GRID2: variants seen among roughly 807,000 people sequenced by gnomAD.
The protein encoded by GRID2 is glutamate receptor ionotropic, delta-2.
GRID2 carries 33 observed loss-of-function variants against 114.8 expected under a neutral mutation model. The ratio of observed to expected loss-of-function variants is 0.29; its 90% CI spans 0.22 to 0.38. The LOEUF is 0.38. Among genes scored for constraint, GRID2 ranks in the 10% least tolerant of loss-of-function variants. GRID2 has a pLI of 1.00. For synonymous variants in GRID2, 505 were observed against 449.9 expected (o/e 1.12, Z -1.55); for missense variants, 1,184 against 1,257.7 (o/e 0.94, Z 0.89).
At chr4:93,322,595 A>G (rs1757355570) in intron 8 of GRID2, among the ~76,000 whole-genome samples, 2 of 152,144 alleles carry the variant, frequency 1.3e-5, no homozygotes, top group Admixed American at 1.3e-4. Flanking sequence ...TGGTAATTCT[A>G]GTTCTAGATC....
intron 14 of GRID2, among the ~76,000 whole-genome samples, chr4:93,723,144 A>G (rs1729537849): frequency 6.6e-6 from 1 of 152,194 alleles, no homozygotes; most frequent in Non-Finnish European, 1.5e-5. Context: ...AGAATGAATC[A>G]TGTGTTTTTC....
chr4:92,748,631 T>TATA (rs1560570179), intron 2 of GRID2, among the ~76,000 whole-genome samples: 1 of 125,282 alleles, frequency 8.0e-6, no homozygotes. Flanking sequence ...TTAATTAAAT[T>TATA]GTATTATTAT....
At chr4:92,883,376 A>G (rs1165969128) in intron 2 of GRID2, among the ~76,000 whole-genome samples, 2 of 152,072 alleles carry the variant, frequency 1.3e-5, no homozygotes, top group Non-Finnish European at 2.9e-5. Flanking sequence ...GAACTTCTCA[A>G]AGTCATCCAT....
chr4:92,885,139 C>A, intron 2 of GRID2: 1 of 289,792 alleles, frequency 3.5e-6, no homozygotes, highest in Non-Finnish European at 6.7e-6. Context: ...GGTTTTGCCT[C>A]TTGTGTAATC....
At position 93,098,989 on chromosome 4, in the gene GRID2, C is replaced by CTGTGTGTGTGTGTG. The variant is rs71579585; in HGVS notation, c.530-11733_530-11720dup. ...GATTGTATTAAAGAAAGATCATTTC[C>CTGTGTGTGTGTGTG]TGTGTGTGTGTGTGTGTGTGTGTGT... On this transcript the variant is annotated intron_variant, in intron 3 of 15. Coordinates refer to ENST00000282020, the MANE Select transcript of GRID2 (RefSeq NM_001510.4). Among the ~76,000 whole-genome samples the CTGTGTGTGTGTGTG allele has an allele frequency of 4.5e-3, 625 of 138,954 alleles. 3 individuals are homozygous for CTGTGTGTGTGTGTG. Among genetic ancestry groups the CTGTGTGTGTGTGTG allele is most frequent in the Admixed American group, 6.6e-3 (89 of 13,506 alleles). The allele number at this position is 138,954 out of a possible 152,430, so 91.2% of individuals were successfully genotyped here.
At chr4:93,594,875 G>A (rs527880205) in intron 13 of GRID2, among the ~76,000 whole-genome samples, 44 of 151,982 alleles carry the variant, frequency 2.9e-4, no homozygotes, top group South Asian at 1.2e-3. Context: ...GACCCCTTGC[G>A]CTTCCCGAGT....
intron 2 of GRID2, among the ~76,000 whole-genome samples, chr4:92,960,483 T>C (rs1041029667): frequency 2.0e-5 from 3 of 152,086 alleles, no homozygotes; most frequent in Non-Finnish European, 4.4e-5. Context: ...CATGTCTTCT[T>C]AAAGGATTCA....
At chr4:92,482,476 A>C (rs1014612042) in intron 1 of GRID2, among the ~76,000 whole-genome samples, 27 of 152,198 alleles carry the variant, frequency 1.8e-4, no homozygotes, top group African/African-American at 6.5e-4. Context: ...AAATGAAATA[A>C]AAATAATTAT....
intron 1 of GRID2, among the ~76,000 whole-genome samples, chr4:92,378,304 A>T (rs563188948): frequency 6.6e-6 from 1 of 152,234 alleles, no homozygotes; most frequent in African/African-American, 2.4e-5. Flanking sequence ...GATTTATTTT[A>T]AAATTTGTGC....
Position 92,481,981 on chromosome 4 carries a change from G to GATATATAT in GRID2, c.89-108104_89-108097dup, listed in dbSNP as rs35103752. ...AGTGGTGGACTGGAGAATAAAATGT[G>GATATATAT]ATATATATATATATATATATATATA... On this transcript the variant is annotated intron_variant, in intron 1 of 15. Coordinates refer to ENST00000282020, the MANE Select transcript of GRID2 (RefSeq NM_001510.4). 3.1e-3 allele frequency among the ~76,000 whole-genome samples: 145 copies of GATATATAT among 47,004 alleles called. 1 individual carries two copies. The highest frequency in any genetic ancestry group is 4.4e-3 in the Non-Finnish European group (103 of 23,678). 30.8% of individuals were successfully genotyped at this position (47,004 alleles called of 152,430 possible).
chr4:93,302,727 A>T, intron 8 of GRID2: 1 of 374,072 alleles, frequency 2.7e-6, no homozygotes, highest in Non-Finnish European at 5.3e-6. Context: ...TTCCTATTTT[A>T]TGCTCATTTC....
At chr4:93,722,689 G>A (rs999853403) in intron 14 of GRID2, among the ~76,000 whole-genome samples, 5 of 152,090 alleles carry the variant, frequency 3.3e-5, no homozygotes, top group South Asian at 2.1e-4. Context: ...CTCTCTGGAC[G>A]GACTTGCAGC....
chr4:93,434,766 A>C (rs72884591), intron 10 of GRID2, among the ~76,000 whole-genome samples: 13,814 of 152,106 alleles, frequency 0.091, 1,613 homozygotes, highest in African/African-American at 0.27. Flanking sequence ...TTTCCATCCC[A>C]CTCAGAGTAA....
At position 93,327,703 on chromosome 4, in the gene GRID2, A is replaced by G. The variant is rs575376908; in HGVS notation, c.1246-67904A>G. Among the ~76,000 whole-genome samples the G allele has an allele frequency of 1.7e-4, 25 of 151,002 alleles. No homozygotes were observed. In the South Asian group the frequency reaches 4.5e-3, roughly 27 times the overall value. Reference sequence around the variant, plus strand: ...AGCTGAATAATGTGTACACATGGACATAGTGTGGAAAGGTAGAAAATGGAG... The same window carrying G: ...AGCTGAATAATGTGTACACATGGACGTAGTGTGGAAAGGTAGAAAATGGAG... On this transcript the variant is annotated intron_variant, in intron 8 of 15. Transcript: ENST00000282020.
chr4:92,744,937 A>G (rs1165953519), intron 2 of GRID2, among the ~76,000 whole-genome samples: 1 of 152,154 alleles, frequency 6.6e-6, no homozygotes, highest in African/African-American at 2.4e-5. Context: ...AGCACTGTTG[A>G]GAAATCCATC....
chr4:92,650,797 G>A (rs1273061461), intron 2 of GRID2, among the ~76,000 whole-genome samples: 1 of 151,786 alleles, frequency 6.6e-6, no homozygotes, highest in Non-Finnish European at 1.5e-5. Flanking sequence ...CTTGGTTCCT[G>A]GACCCATAAA....
At chr4:93,192,554 C>T (rs552031247) in intron 4 of GRID2, among the ~76,000 whole-genome samples, 15 of 151,984 alleles carry the variant, frequency 9.9e-5, no homozygotes, top group African/African-American at 3.1e-4. Flanking sequence ...CCAGCCTGGC[C>T]AACACGTGGA....
rs374803688 is a variant in GRID2 at position 93,409,894 on chromosome 4, C to T, written c.1348-12877C>T. On this transcript the variant is annotated intron_variant, in intron 9 of 15. Coordinates refer to ENST00000282020, the MANE Select transcript of GRID2 (RefSeq NM_001510.4). ...GTAAATATTTCAGAGATGTGTTATACAGTTTACTTCTGAAAACAGATTTAT... is the reference window on the plus strand; with the variant it reads ...GTAAATATTTCAGAGATGTGTTATATAGTTTACTTCTGAAAACAGATTTAT... Among the ~76,000 whole-genome samples, 19 of 152,206 alleles carry T rather than the reference C, an allele frequency of 1.2e-4. No homozygotes were observed. The South Asian group carries it at 2.9e-3, about 23-fold the overall frequency.
chr4:93,135,727 GT>G (rs1376611510), intron 4 of GRID2, among the ~76,000 whole-genome samples: 1 of 152,152 alleles, frequency 6.6e-6, no homozygotes, highest in Admixed American at 6.5e-5. Flanking sequence ...TTTTTGTACA[GT>G]GGCATCAGGA....
Sources: gnomAD v4.1 joint callset for allele counts (sites outside exome capture counted in the v4.1 genomes callset) on GRCh38, gnomAD v4.1.1 for gene constraint, MANE v1.5 for transcripts, NCBI Gene and HGNC (gene_info 2026-07-23, HGNC 2026-07-21) for gene names.